Variants in BLTP3B observed in about 807,000 individuals in gnomAD.
BLTP3B encodes UHRF1 (ICBP90) binding protein 1-like.
chr12:100,051,088 A>G, the BLTP3B span: 1 of 1,613,582 alleles, frequency 6.2e-7, no homozygotes, highest in East Asian at 2.2e-5. Flanking sequence ...CCAGGTCATC[A>G]TGATTTTCCT....
the BLTP3B span, chr12:100,086,344 TAC>T: frequency 1.3e-6 from 1 of 785,884 alleles, no homozygotes; most frequent in Non-Finnish European, 1.9e-6. Context: ...CCTCCAGTAA[TAC>T]GTCTGTTTGA....
chr12:100,072,885 C>G, the BLTP3B span: 1 of 1,479,338 alleles, frequency 6.8e-7, no homozygotes, highest in South Asian at 1.4e-5. Context: ...GCAACCCAGA[C>G]AGTACTTTTA....
chr12:100,127,650 C>T, the BLTP3B span, among the ~76,000 whole-genome samples: 2 of 152,116 alleles, frequency 1.3e-5, no homozygotes, highest in African/African-American at 4.8e-5. Flanking sequence ...ATTGCTTTCC[C>T]TGATAATGAA....
the BLTP3B span, chr12:100,089,179 G>T: frequency 4.1e-6 from 5 of 1,226,718 alleles, no homozygotes; most frequent in Non-Finnish European, 5.5e-6. Context: ...TCAGTCGAAA[G>T]TCATGAAAAA....
the BLTP3B span, among the ~76,000 whole-genome samples, chr12:100,137,248 C>G: frequency 3.9e-5 from 6 of 152,270 alleles, no homozygotes; most frequent in East Asian, 9.7e-4. Context: ...GATAGCATTC[C>G]CAATCCTTTG....
At chr12:100,101,988 C>T in the BLTP3B span, among the ~76,000 whole-genome samples, 4 of 151,486 alleles carry the variant, frequency 2.6e-5, no homozygotes, top group South Asian at 2.1e-4. Flanking sequence ...TTGGTAGAGA[C>T]GGGGTTTCAC....
At chr12:100,070,515 C>T in the BLTP3B span, among the ~76,000 whole-genome samples, 1 of 152,086 alleles carries the variant, frequency 6.6e-6, no homozygotes, top group African/African-American at 2.4e-5. Context: ...CCTCAGCCTC[C>T]TAAAGTGCTG....
the BLTP3B span, chr12:100,047,444 G>C: frequency 1.0e-6 from 1 of 970,992 alleles, no homozygotes; most frequent in East Asian, 2.6e-5. Flanking sequence ...GTTTGCAGTA[G>C]GCTGAGATCG....
At chr12:100,091,450 A>G in the BLTP3B span, among the ~76,000 whole-genome samples, 6,338 of 151,710 alleles carry the variant, frequency 0.042, 279 homozygotes, top group African/African-American at 0.11. Context: ...GGCCTCCCAA[A>G]GTACTGGGAT....
At chr12:100,142,617 T>G in the BLTP3B span, 1 of 1,608,706 alleles carries the variant, frequency 6.2e-7, no homozygotes, top group Non-Finnish European at 8.5e-7. Context: ...AAGATTTGTT[T>G]CTTGATGATC....
the BLTP3B span, chr12:100,088,797 A>G: frequency 4.9e-6 from 4 of 815,156 alleles, no homozygotes; most frequent in Non-Finnish European, 7.0e-6. Context: ...ATTCATATGA[A>G]CACAATTATG....
the BLTP3B span, chr12:100,059,825 TTAC>T: frequency 2.5e-5 from 40 of 1,582,952 alleles, no homozygotes; most frequent in Middle Eastern, 3.3e-4. Context: ...AATTAAATCA[TTAC>T]TACTACTTGT....
At chr12:100,134,768 T>C in the BLTP3B span, among the ~76,000 whole-genome samples, 1 of 152,236 alleles carries the variant, frequency 6.6e-6, no homozygotes, top group East Asian at 1.9e-4. Context: ...ATGTTGCTTA[T>C]GTCAAAAACT....
At chr12:100,130,961 T>TATAGAGAG in the BLTP3B span, among the ~76,000 whole-genome samples, 1 of 93,586 alleles carries the variant, frequency 1.1e-5, no homozygotes, top group Non-Finnish European at 2.1e-5. Flanking sequence ...TATATATATA[T>TATAGAGAG]AGAGAGAGAG....
the BLTP3B span, chr12:100,097,621 A>C: frequency 2.6e-6 from 3 of 1,145,184 alleles, no homozygotes; most frequent in Non-Finnish European, 3.6e-6. Context: ...ATGACATTTT[A>C]GATATATTCA....
chr12:100,108,701 T>C, the BLTP3B span, among the ~76,000 whole-genome samples: 2 of 152,254 alleles, frequency 1.3e-5, no homozygotes, highest in Non-Finnish European at 2.9e-5. Context: ...GTGGTACATA[T>C]ACACGATGGA....
chr12:100,115,401 G>GTC, the BLTP3B span, among the ~76,000 whole-genome samples: 3 of 152,104 alleles, frequency 2.0e-5, no homozygotes, highest in Non-Finnish European at 4.4e-5. Flanking sequence ...GTGAAACTCT[G>GTC]TCTCAAAAAA....
At chr12:100,095,239 A>C in the BLTP3B span, among the ~76,000 whole-genome samples, 4 of 152,206 alleles carry the variant, frequency 2.6e-5, no homozygotes, top group African/African-American at 9.6e-5. Context: ...TGCCCCAGCC[A>C]TCAGACAACT....
chr12:100,096,122 G>A, the BLTP3B span, among the ~76,000 whole-genome samples: 2 of 152,008 alleles, frequency 1.3e-5, no homozygotes, highest in East Asian at 1.9e-4. Context: ...GTGTGGTGGC[G>A]GACACCTGTG....
Sources: gnomAD v4.1 joint callset for allele counts (sites outside exome capture counted in the v4.1 genomes callset) on GRCh38, gnomAD v4.1.1 for gene constraint, MANE v1.5 for transcripts, NCBI Gene and HGNC (gene_info 2026-07-23, HGNC 2026-07-21) for gene names.